Variants in SNIP1 observed in about 807,000 individuals in gnomAD.
SNIP1 encodes Smad nuclear interacting protein 1.
Under a neutral mutation model 37.4 loss-of-function variants are expected in SNIP1, and 23 were observed. The observed-to-expected ratio is 0.61, with a 90% CI of 0.44 to 0.87. The LOEUF (loss-of-function observed/expected upper bound fraction) is 0.87. SNIP1 is among the 40% of genes least tolerant of loss of function. The pLI is 0.00. For missense variants in SNIP1, 459 were observed against 540.4 expected (o/e 0.85, Z 1.49); for synonymous variants, 174 against 200.0 (o/e 0.87, Z 1.10).
rs1371661147 is a variant in SNIP1 at position 37,535,392 on chromosome 1, A to G, written c.*2356T>C. On this transcript the variant is annotated 3_prime_UTR_variant, in exon 4 of 4. Coordinates refer to ENST00000296215, the MANE Select transcript of SNIP1 (RefSeq NM_024700.4). Reference sequence around the variant, plus strand: ...GGGCGACAGAGTGAGACGCCATCTCAAAACAAACAAACCAACAAAAAAACC... The same window carrying G: ...GGGCGACAGAGTGAGACGCCATCTCGAAACAAACAAACCAACAAAAAAACC... 3.3e-5 allele frequency: 5 copies of G among 151,356 alleles called. No individual in the cohort carries two copies. The highest frequency in any genetic ancestry group is 3.3e-4 in the Admixed American group (5 of 15,168). 9.4% of individuals were successfully genotyped at this position (151,356 alleles called of 1,614,324 possible). A position where few individuals can be genotyped will look rare whatever the true frequency, so the allele number is the denominator to read the frequency against.
At chr1:37,538,793 T>C (rs1409074919) in intron 3 of SNIP1, among the ~76,000 whole-genome samples, 1 of 152,080 alleles carries the variant, frequency 6.6e-6, no homozygotes, top group Non-Finnish European at 1.5e-5. Flanking sequence ...TCCTGGGCCA[T>C]GGACTGGTAC....
intron 2 of SNIP1, among the ~76,000 whole-genome samples, chr1:37,551,208 C>T (rs1295677690): frequency 1.4e-5 from 2 of 147,256 alleles, no homozygotes; most frequent in Non-Finnish European, 3.0e-5. Flanking sequence ...AGGCGGAGGT[C>T]GCAGTGAGCC....
intron 2 of SNIP1, among the ~76,000 whole-genome samples, chr1:37,544,307 G>A (rs775684237): frequency 5.3e-5 from 8 of 151,482 alleles, no homozygotes; most frequent in Admixed American, 2.0e-4. Context: ...TTAGAAGGGC[G>A]CGGTGGCAGG....
At chr1:37,548,517 T>C (rs929256275) in intron 2 of SNIP1, among the ~76,000 whole-genome samples, 1 of 151,768 alleles carries the variant, frequency 6.6e-6, no homozygotes. Flanking sequence ...AGTTTCACCA[T>C]GTTGGCCAGG....
At position 37,535,782 on chromosome 1, in the gene SNIP1, G is replaced by A. The variant is rs1050172620; in HGVS notation, c.*1966C>T. On this transcript the variant is annotated 3_prime_UTR_variant, in exon 4 of 4. Transcript: ENST00000296215. ...AAATGAAGAAAATAGCAGTTACAGT[G>A]GCCAATGTAGAACACATTCTTCAAC... is the stretch of plus-strand genomic sequence containing the variant. The A allele has an allele frequency of 6.6e-6, 1 of 151,812 alleles. No individual in the cohort carries two copies. The highest frequency in any genetic ancestry group is 2.4e-5 in the African/African-American group (1 of 41,366). 9.4% of individuals were successfully genotyped at this position (151,812 alleles called of 1,614,324 possible).
At chr1:37,541,525 G>A (rs1028893034) in intron 2 of SNIP1, 1 of 152,214 alleles carries the variant, frequency 6.6e-6, no homozygotes, top group African/African-American at 2.4e-5. Context: ...AGCCAGGTGT[G>A]GTGGCACATG....
rs1378922614 is a variant in SNIP1, at chr1:37,534,538, A to G, written c.*3210T>C. 2 of 152,220 alleles carry G rather than the reference A, an allele frequency of 1.3e-5. No homozygotes were observed. Among genetic ancestry groups the G allele is most frequent in the African/African-American group, 4.8e-5 (2 of 41,450 alleles). The allele number at this position is 152,220 out of a possible 1,614,324, so 9.4% of individuals were successfully genotyped here. A position where few individuals can be genotyped will look rare whatever the true frequency, so the allele number is the denominator to read the frequency against. ...ATACCCAGGAACACTGTGGGCTCAGAACATTATTTCACAAGCAGGTATTGC... is the reference window on the plus strand; with the variant it reads ...ATACCCAGGAACACTGTGGGCTCAGGACATTATTTCACAAGCAGGTATTGC... On this transcript the variant is annotated 3_prime_UTR_variant, in exon 4 of 4. Transcript: ENST00000296215.
At chr1:37,543,405 A>T (rs554687792) in intron 2 of SNIP1, among the ~76,000 whole-genome samples, 3 of 149,650 alleles carry the variant, frequency 2.0e-5, no homozygotes, top group South Asian at 2.1e-4. Flanking sequence ...TTCGTAATTT[A>T]AAAAAAAAAC....
At chr1:37,547,605 G>A (rs1643255867) in intron 2 of SNIP1, among the ~76,000 whole-genome samples, 1 of 151,768 alleles carries the variant, frequency 6.6e-6, no homozygotes, top group African/African-American at 2.4e-5. Context: ...ATGGTGGCAC[G>A]TGCCTGTAAT....
intron 1 of SNIP1, among the ~76,000 whole-genome samples, chr1:37,553,323 G>A (rs1398126338): frequency 6.6e-6 from 1 of 152,200 alleles, no homozygotes; most frequent in Non-Finnish European, 1.5e-5. Context: ...TCTTTAGAGA[G>A]TCCTCCTCCC....
chr1:37,547,410 A>G (rs1343488786), intron 2 of SNIP1, among the ~76,000 whole-genome samples: 9 of 152,220 alleles, frequency 5.9e-5, no homozygotes, highest in Admixed American at 5.9e-4. Flanking sequence ...TATTATTACA[A>G]TGAGCATGTA....
chr1:37,544,990 C>T (rs1643215606), intron 2 of SNIP1: 1 of 769,566 alleles, frequency 1.3e-6, no homozygotes. Flanking sequence ...GTGGCTGAAT[C>T]TTCTTCCTTC....
At chr1:37,544,487 T>C (rs1017602815) in intron 2 of SNIP1, among the ~76,000 whole-genome samples, 1 of 151,520 alleles carries the variant, frequency 6.6e-6, no homozygotes, top group Non-Finnish European at 1.5e-5. Flanking sequence ...ACAAGTCTTA[T>C]AGATGTAGAT....
chr1:37,537,473 TCTA>T lies in SNIP1; in HGVS notation c.*272_*274del. 2.5e-6 allele frequency: 1 copy of T among 396,318 alleles called. No homozygotes were observed. Among genetic ancestry groups the T allele is most frequent in the Admixed American group, 4.2e-5 (1 of 23,740 alleles). 24.6% of individuals were successfully genotyped at this position (396,318 alleles called of 1,614,324 possible). On this transcript the variant is annotated 3_prime_UTR_variant, in exon 4 of 4. Transcript: ENST00000296215. ...AAGCACCAACTAAAACCACAACACT[TCTA>T]CTAAAACACGGTGTGTTGTAATTGG... is the stretch of plus-strand genomic sequence containing the variant.
rs1273727624 is a variant in SNIP1, at chr1:37,549,208, A to G, written c.327+3437T>C. Among the ~76,000 whole-genome samples, 3 of 152,184 alleles carry G rather than the reference A, an allele frequency of 2.0e-5. No homozygotes were observed. The South Asian group carries it at 6.2e-4, about 32-fold the overall frequency. ...AGTAACAATGAACATTTGGACACTC[A>G]TTTAAAATACCCTTTATAATCATTC... On this transcript the variant is annotated intron_variant, in intron 2 of 3. Coordinates refer to ENST00000296215, the MANE Select transcript of SNIP1 (RefSeq NM_024700.4).
chr1:37,549,335 G>T (rs1643276191), intron 2 of SNIP1, among the ~76,000 whole-genome samples: 1 of 152,152 alleles, frequency 6.6e-6, no homozygotes, highest in Non-Finnish European at 1.5e-5. Flanking sequence ...AATGTTCATG[G>T]ATTAGAAGAT....
At chr1:37,553,421 TATC>T (rs1375166717) in intron 1 of SNIP1, among the ~76,000 whole-genome samples, 1 of 152,244 alleles carries the variant, frequency 6.6e-6, no homozygotes, top group East Asian at 1.9e-4. Flanking sequence ...TTTATTTTTT[TATC>T]ATGTCTCAGG....
intron 2 of SNIP1, among the ~76,000 whole-genome samples, chr1:37,543,382 T>C (rs1465265552): frequency 6.6e-6 from 1 of 152,104 alleles, no homozygotes; most frequent in Non-Finnish European, 1.5e-5. Flanking sequence ...CATATGAATG[T>C]GTTTACTGTA....
intron 2 of SNIP1, among the ~76,000 whole-genome samples, chr1:37,550,689 A>T (rs1248018407): frequency 6.6e-6 from 1 of 152,016 alleles, no homozygotes; most frequent in Admixed American, 6.6e-5. Context: ...CCTGGGCAAC[A>T]AGAGTGAAAC....
Sources: gnomAD v4.1 joint callset for allele counts (sites outside exome capture counted in the v4.1 genomes callset) on GRCh38, gnomAD v4.1.1 for gene constraint, MANE v1.5 for transcripts, NCBI Gene and HGNC (gene_info 2026-07-23, HGNC 2026-07-21) for gene names.